ISM1: variants seen among roughly 807,000 people sequenced by gnomAD.
ISM1 encodes isthmin-1.
In ISM1, 25 loss-of-function variants were observed where a neutral mutation model predicts 46.3. That is an observed-to-expected ratio of 0.54 (90% CI 0.39 to 0.75). ISM1 has a LOEUF of 0.75. Among genes scored for constraint, ISM1 ranks in the 30% least tolerant of loss-of-function variants. ISM1 has a pLI of 0.00. For synonymous variants in ISM1, 255 were observed against 256.7 expected (o/e 0.99, Z 0.06); for missense variants, 536 against 625.4 (o/e 0.86, Z 1.52).
intron 1 of ISM1, among the ~76,000 whole-genome samples, chr20:13,229,634 C>T (rs1313467364): frequency 6.6e-6 from 1 of 152,174 alleles, no homozygotes; most frequent in Non-Finnish European, 1.5e-5. Flanking sequence ...TATTCTTACA[C>T]AAGCCTTTCT....
At chr20:13,246,243 A>AG (rs1185382189) in intron 1 of ISM1, among the ~76,000 whole-genome samples, 1 of 150,458 alleles carries the variant, frequency 6.6e-6, no homozygotes, top group African/African-American at 2.5e-5. Flanking sequence ...ACTGCACTTT[A>AG]GCCTGGGCAA....
At chr20:13,235,927 C>CTTTTTTTTTTTTTTT (rs72361165) in intron 1 of ISM1, among the ~76,000 whole-genome samples, 1 of 149,582 alleles carries the variant, frequency 6.7e-6, no homozygotes, top group African/African-American at 2.5e-5. Context: ...TTGTACTTCC[C>CTTTTTTTTTTTTTTT]TTTTTTCTTT....
chr20:13,318,444 G>A, the ISM1 span, among the ~76,000 whole-genome samples: 18,197 of 152,140 alleles, frequency 0.12, 1,217 homozygotes, highest in Admixed American at 0.18. Context: ...TTAAACGTAC[G>A]CTTACCATAG....
intron 1 of ISM1, among the ~76,000 whole-genome samples, chr20:13,248,783 A>T (rs962665985): frequency 1.3e-5 from 2 of 152,164 alleles, no homozygotes; most frequent in African/African-American, 4.8e-5. Flanking sequence ...GTTCTGCATG[A>T]CCTGCCATTT....
At chr20:13,270,383 C>G (rs2040097623) in intron 1 of ISM1, 121 bp from the exon 2 acceptor site, 1 of 1,111,334 alleles carries the variant, frequency 9.0e-7, no homozygotes, top group East Asian at 2.6e-5. Flanking sequence ...TTTGGAATGC[C>G]CTACTGGCTT....
chr20:13,288,641 A>G lies in ISM1; in HGVS notation c.745A>G (p.Thr249Ala), dbSNP rs1162301285. The change falls in exon 4 of 6, where the codon ACT (threonine) becomes GCT (alanine). Residue 249 changes from threonine to alanine, a missense_variant. By Grantham distance (58) the Thr-to-Ala change is moderately conservative (BLOSUM62 0). Coordinates refer to ENST00000262487, the MANE Select transcript of ISM1 (RefSeq NM_080826.2). ...KRTRSCGYAC[T>A]ATESRTCDRP... The stretch of plus-strand genomic sequence containing the variant: ...GACCCGGTCTTGTGGCTACGCGTGC[A>G]CTGCAACAGAATCGAGGACCTGTGA... 1 of 1,614,044 alleles carries G rather than the reference A, an allele frequency of 6.2e-7. No individual in the cohort carries two copies. Among genetic ancestry groups the G allele is most frequent in the Non-Finnish European group, 8.5e-7 (1 of 1,179,888 alleles).
At chr20:13,273,832 T>C (rs1373912315) in intron 2 of ISM1, among the ~76,000 whole-genome samples, 1 of 152,142 alleles carries the variant, frequency 6.6e-6, no homozygotes, top group Non-Finnish European at 1.5e-5. Flanking sequence ...CTCTATACAA[T>C]CCCTATCGGT....
chr20:13,293,046 A>G (rs889752914), intron 5 of ISM1, among the ~76,000 whole-genome samples: 4 of 151,834 alleles, frequency 2.6e-5, no homozygotes, highest in African/African-American at 9.7e-5. Flanking sequence ...AAAAATACAA[A>G]AAAATTAGCT....
chr20:13,279,047 T>C (rs1432292850), intron 2 of ISM1, among the ~76,000 whole-genome samples: 1 of 152,186 alleles, frequency 6.6e-6, no homozygotes, highest in Non-Finnish European at 1.5e-5. Context: ...ACATGGCTAA[T>C]GCAGATCTCC....
intron 5 of ISM1, among the ~76,000 whole-genome samples, chr20:13,295,148 C>G (rs1568690939): frequency 1.3e-5 from 2 of 152,196 alleles, no homozygotes; most frequent in Non-Finnish European, 2.9e-5. Context: ...GTCTTCCTCT[C>G]TTTACTCCAA....
intron 1 of ISM1, among the ~76,000 whole-genome samples, chr20:13,224,595 TA>T (rs1189139627): frequency 6.6e-6 from 1 of 152,212 alleles, no homozygotes; most frequent in African/African-American, 2.4e-5. Flanking sequence ...TTATTGTTTT[TA>T]TCTCTGTGTA....
chr20:13,305,725 G>A, the ISM1 span, among the ~76,000 whole-genome samples: 1 of 152,154 alleles, frequency 6.6e-6, no homozygotes, highest in Admixed American at 6.5e-5. Context: ...AGAGTAGAAG[G>A]AGAGGGACAT....
intron 1 of ISM1, among the ~76,000 whole-genome samples, chr20:13,224,900 C>CA (rs1399106424): frequency 2.2e-5 from 3 of 138,974 alleles, no homozygotes; most frequent in African/African-American, 8.2e-5. Flanking sequence ...GGCTGGAGTG[C>CA]AGTGGCGCGA....
chr20:13,267,312 G>A (rs942168825), intron 1 of ISM1, among the ~76,000 whole-genome samples: 1 of 152,172 alleles, frequency 6.6e-6, no homozygotes, highest in Non-Finnish European at 1.5e-5. Context: ...TGTCTGGGGG[G>A]CAGGGCGGTT....
chr20:13,270,557 C>G lies in ISM1; in HGVS notation c.192C>G (p.Ser64=). The G allele has an allele frequency of 6.2e-7, 1 of 1,613,898 alleles. No homozygotes were observed. The highest frequency in any genetic ancestry group is 8.5e-7 in the Non-Finnish European group (1 of 1,179,840). The stretch of plus-strand genomic sequence containing the variant: ...CATCAGAAACCAGCTTTTCTCTCTC[C>G]AAAGAAGCACCAAGGGAGCATCTGG... ...DTTSETSFSL[S]KEAPREHLDH... Residue 64 remains serine (S), a synonymous_variant, in exon 2 of 6, where the codon TCC becomes TCG. Coordinates refer to ENST00000262487, the MANE Select transcript of ISM1 (RefSeq NM_080826.2).
chr20:13,229,712 G>T (rs1485436961), intron 1 of ISM1, among the ~76,000 whole-genome samples: 1 of 152,164 alleles, frequency 6.6e-6, no homozygotes, highest in East Asian at 1.9e-4. Flanking sequence ...CTCTGTTCTT[G>T]ATAGTATTGT....
At chr20:13,241,465 GA>G (rs1186082471) in intron 1 of ISM1, among the ~76,000 whole-genome samples, 5 of 151,986 alleles carry the variant, frequency 3.3e-5, no homozygotes, top group Non-Finnish European at 7.4e-5. Flanking sequence ...AATTCTTCAA[GA>G]AGGCAAGGGG....
intron 3 of ISM1, among the ~76,000 whole-genome samples, chr20:13,287,260 G>GTC (rs2040304246): frequency 6.6e-6 from 1 of 152,192 alleles, no homozygotes; most frequent in Non-Finnish European, 1.5e-5. Flanking sequence ...AGAGCAAAGG[G>GTC]ACATCTTACA....
intron 3 of ISM1, 45 bp downstream of exon 3, chr20:13,279,943 C>A: frequency 6.4e-7 from 1 of 1,570,108 alleles, no homozygotes; most frequent in South Asian, 1.1e-5. Context: ...GAAGAATAAA[C>A]GAGGATGATG....
Sources: allele counts gnomAD v4.1 joint callset (sites outside exome capture counted in the v4.1 genomes callset), GRCh38; gene constraint gnomAD v4.1.1; transcripts MANE v1.5; gene names NCBI Gene and HGNC (gene_info 2026-07-23, HGNC 2026-07-21).